Variants in GABBR2 observed in about 807,000 individuals in gnomAD.
GABBR2 encodes the protein gamma-aminobutyric acid type B receptor subunit 2.
In GABBR2, 23 loss-of-function variants were observed where a neutral mutation model predicts 105.6. That is an observed-to-expected ratio of 0.22 (90% confidence interval 0.16 to 0.31). GABBR2 has a LOEUF of 0.31. Among genes scored for constraint, GABBR2 ranks in the 10% least tolerant of loss-of-function variants. The pLI, the probability that GABBR2 is intolerant of heterozygous loss-of-function variation, is 1.00. For missense variants in GABBR2, 734 were observed against 1,245.5 expected (o/e 0.59, Z 6.18); for synonymous variants, 478 against 499.7 (o/e 0.96, Z 0.58).
intron 5 of GABBR2, among the ~76,000 whole-genome samples, chr9:98,480,113 C>G (rs769339226): frequency 3.3e-5 from 5 of 152,134 alleles, no homozygotes; most frequent in Non-Finnish European, 7.3e-5. Context: ...CCAGACACTA[C>G]GCCTAGAATG....
rs10986392 is a variant in GABBR2, at chr9:98,486,533, C to A, written c.733-5536G>T. Among the ~76,000 whole-genome samples the A allele has an allele frequency of 6.9e-3, 1,052 of 152,304 alleles. 10 individuals are homozygous for A. Among genetic ancestry groups the A allele is most frequent in the African/African-American group, 0.024 (1,003 of 41,556 alleles). On this transcript the variant is annotated intron_variant, in intron 4 of 18. Coordinates refer to ENST00000259455, the MANE Select transcript of GABBR2 (RefSeq NM_005458.8). ...AGCTCGACCCTGAGCCTGACCCTGA[C>A]CTCTGGGTTGTCTGGAATCTCCTGC...
chr9:98,565,082 G>A (rs1045071005), intron 2 of GABBR2, among the ~76,000 whole-genome samples: 1 of 152,146 alleles, frequency 6.6e-6, no homozygotes, highest in Non-Finnish European at 1.5e-5. Flanking sequence ...GACCAGACGG[G>A]GAAGGCCACC....
chr9:98,700,394 C>T (rs537413185), intron 1 of GABBR2, among the ~76,000 whole-genome samples: 15 of 152,284 alleles, frequency 9.9e-5, no homozygotes, highest in Admixed American at 8.5e-4. Context: ...TCTCCCAAGG[C>T]AGACCTCAGC....
chr9:98,602,371 C>T (rs1829351984), intron 1 of GABBR2, among the ~76,000 whole-genome samples: 2 of 149,822 alleles, frequency 1.3e-5, no homozygotes, highest in Admixed American at 6.7e-5. Flanking sequence ...ACTTGGAAGG[C>T]TGAGGCAGGA....
chr9:98,522,084 G>A lies in GABBR2; in HGVS notation c.630+19789C>T, dbSNP rs138628077. On this transcript the variant is annotated intron_variant, in intron 3 of 18. Transcript: ENST00000259455. ...AGTTAATATAATAATGACTGGAAAT[G>A]AATAATGTTATGAGAATTTTAAGAA... Among the ~76,000 whole-genome samples the A allele has an allele frequency of 1.4e-3, 207 of 152,124 alleles. 1 individual carries two copies. Among genetic ancestry groups the A allele is most frequent in the African/African-American group, 4.8e-3 (201 of 41,508 alleles).
At chr9:98,309,882 C>T (rs149580486) in intron 14 of GABBR2, among the ~76,000 whole-genome samples, 10 of 152,278 alleles carry the variant, frequency 6.6e-5, no homozygotes, top group Non-Finnish European at 5.9e-5. Context: ...TCTTACATGC[C>T]CTTCTGGCAT....
chr9:98,347,571 G>A (rs183037529), intron 13 of GABBR2, among the ~76,000 whole-genome samples: 95 of 152,056 alleles, frequency 6.2e-4, no homozygotes, highest in African/African-American at 2.1e-3. Flanking sequence ...AGGTCTTTTC[G>A]TTTCATATAG....
chr9:98,468,465 A>C (rs1230123246), intron 6 of GABBR2, among the ~76,000 whole-genome samples: 1 of 152,222 alleles, frequency 6.6e-6, no homozygotes, highest in African/African-American at 2.4e-5. Flanking sequence ...CACTAATTTC[A>C]GGTACAAAAT....
In GABBR2 at chr9:98,379,264, C is replaced by A. The variant is rs10986073; in HGVS notation, c.1662+6376G>T. The stretch of plus-strand genomic sequence containing the variant: ...GGCCAGCATCAACCGGTTTTCCCAG[C>A]CTCTTCTTTTTTATCTTTTTTTGAG... On this transcript the variant is annotated intron_variant, in intron 11 of 18. Coordinates refer to ENST00000259455, the MANE Select transcript of GABBR2 (RefSeq NM_005458.8). Among the ~76,000 whole-genome samples, 2,003 of 152,194 alleles carry A rather than the reference C, an allele frequency of 0.013. 80 individuals carry two copies. The East Asian group carries it at 0.15, about 12-fold the overall frequency.
chr9:98,398,814 C>T (rs1003590772), intron 8 of GABBR2, among the ~76,000 whole-genome samples: 1 of 152,204 alleles, frequency 6.6e-6, no homozygotes, highest in Non-Finnish European at 1.5e-5. Context: ...AAACAATACG[C>T]TATTGCCATA....
chr9:98,456,352 CTCAGGGATGGCTTCCTT>C (rs984644643), intron 6 of GABBR2, among the ~76,000 whole-genome samples: 1 of 152,192 alleles, frequency 6.6e-6, no homozygotes, highest in African/African-American at 2.4e-5. Flanking sequence ...CCTGTCACTT[CTCAGGGATGGCTTCCTT>C]GACCCACCCG....
At chr9:98,422,729 T>C (rs1250923092) in intron 7 of GABBR2, among the ~76,000 whole-genome samples, 1 of 151,782 alleles carries the variant, frequency 6.6e-6, no homozygotes, top group Non-Finnish European at 1.5e-5. Context: ...TCATTTAGCA[T>C]TAGGTATATC....
At chr9:98,572,628 G>A (rs961360156) in intron 2 of GABBR2, among the ~76,000 whole-genome samples, 2 of 151,784 alleles carry the variant, frequency 1.3e-5, no homozygotes, top group African/African-American at 2.4e-5. Context: ...TGGCTTGGGA[G>A]GTCCACAGAG....
chr9:98,634,791 A>G (rs1051752040), intron 1 of GABBR2, among the ~76,000 whole-genome samples: 12 of 152,208 alleles, frequency 7.9e-5, no homozygotes, highest in African/African-American at 2.9e-4. Flanking sequence ...GAAGGAAAGC[A>G]ACAACCTAAC....
chr9:98,511,873 T>C (rs966346469), intron 3 of GABBR2, among the ~76,000 whole-genome samples: 7 of 152,076 alleles, frequency 4.6e-5, no homozygotes, highest in South Asian at 2.1e-4. Context: ...TTCCAATCAA[T>C]AGAAAAAGAG....
intron 2 of GABBR2, among the ~76,000 whole-genome samples, chr9:98,557,246 C>G (rs868106179): frequency 6.6e-6 from 1 of 152,262 alleles, no homozygotes; most frequent in African/African-American, 2.4e-5. Context: ...CTCCCTCACT[C>G]CCCTCTGAAA....
At chr9:98,376,273 A>C (rs540618601) in intron 11 of GABBR2, among the ~76,000 whole-genome samples, 4 of 152,346 alleles carry the variant, frequency 2.6e-5, no homozygotes, top group African/African-American at 9.6e-5. Context: ...CTGGGGATCA[A>C]CATGAAAATG....
At chr9:98,511,789 C>T (rs1827649951) in intron 3 of GABBR2, among the ~76,000 whole-genome samples, 1 of 152,102 alleles carries the variant, frequency 6.6e-6, no homozygotes, top group South Asian at 2.1e-4. Flanking sequence ...AAAAAAATTC[C>T]AGGACCAGAT....
intron 2 of GABBR2, among the ~76,000 whole-genome samples, chr9:98,571,617 C>T (rs1471422927): frequency 6.6e-6 from 1 of 152,152 alleles, no homozygotes; most frequent in Non-Finnish European, 1.5e-5. Context: ...CTAGAATTTG[C>T]ACTGTTACCA....
Sources: allele counts gnomAD v4.1 joint callset (sites outside exome capture counted in the v4.1 genomes callset), GRCh38; gene constraint gnomAD v4.1.1; transcripts MANE v1.5; gene names NCBI Gene and HGNC (gene_info 2026-07-23, HGNC 2026-07-21).